The following PKHD1 variants were observed in gnomAD, a reference collection of about 807,000 sequenced individuals.
The protein encoded by PKHD1 is PKHD1 ciliary IPT domain containing fibrocystin/polyductin.
A neutral mutation model predicts 412.0 loss-of-function variants in PKHD1; 291 were observed. That is an observed-to-expected ratio of 0.71 (90% CI 0.64 to 0.78). The LOEUF is 0.78. PKHD1 is among the 30% of genes least tolerant of loss of function. The pLI is 0.00. For missense variants in PKHD1, 4,825 were observed against 4,950.7 expected (o/e 0.97, Z 0.76); for synonymous variants, 1,777 against 1,821.5 (o/e 0.98, Z 0.62).
At chr6:51,679,011 T>C (rs1776258633) in intron 60 of PKHD1, among the ~76,000 whole-genome samples, 1 of 152,082 alleles carries the variant, frequency 6.6e-6, no homozygotes, top group Admixed American at 6.6e-5. Context: ...CAGTAATTTC[T>C]GCTGGGTGCC....
chr6:52,077,251 C>T (rs1035779244), intron 5 of PKHD1, among the ~76,000 whole-genome samples: 3 of 152,152 alleles, frequency 2.0e-5, no homozygotes, highest in Non-Finnish European at 4.4e-5. Context: ...CACCTGTAGG[C>T]ATCTGTGTTA....
chr6:51,807,485 A>ATGTGTGTGTGTGTGTGTGTGTG (rs567506746), intron 52 of PKHD1, among the ~76,000 whole-genome samples: 5 of 111,766 alleles, frequency 4.5e-5, no homozygotes, highest in Admixed American at 3.8e-4. Context: ...ATATATGTAT[A>ATGTGTGTGTGTGTGTGTGTGTG]TGTGTGTGTG....
At chr6:51,761,965 T>C (rs1461711363) in intron 55 of PKHD1, among the ~76,000 whole-genome samples, 1 of 152,054 alleles carries the variant, frequency 6.6e-6, no homozygotes, top group Non-Finnish European at 1.5e-5. Context: ...TCTTTGACTC[T>C]TCTCTTTCTC....
At chr6:52,054,864 G>A (rs2128206247) in intron 19 of PKHD1, among the ~76,000 whole-genome samples, 1 of 152,226 alleles carries the variant, frequency 6.6e-6, no homozygotes, top group South Asian at 2.1e-4. Flanking sequence ...CTGAAGAAGG[G>A]AGGAGCTCAA....
At chr6:51,722,154 T>C in intron 60 of PKHD1, 1 of 1,457,098 alleles carries the variant, frequency 6.9e-7, no homozygotes, top group Non-Finnish European at 9.4e-7. Context: ...ATATCCGAGC[T>C]CTTTACTCAT....
chr6:51,954,676 A>G (rs1790850363), intron 36 of PKHD1, among the ~76,000 whole-genome samples: 1 of 152,084 alleles, frequency 6.6e-6, no homozygotes, highest in South Asian at 2.1e-4. Flanking sequence ...TGTATTATAT[A>G]TAATGCAGTA....
chr6:51,676,252 G>A (rs199628880), intron 60 of PKHD1, among the ~76,000 whole-genome samples: 201 of 141,700 alleles, frequency 1.4e-3, no homozygotes, highest in Middle Eastern at 7.4e-3. Flanking sequence ...TAAAAGAAAA[G>A]AAAAAAAAAA....
intron 55 of PKHD1, among the ~76,000 whole-genome samples, chr6:51,765,392 C>T (rs1201191091): frequency 6.6e-6 from 1 of 152,128 alleles, no homozygotes; most frequent in Non-Finnish European, 1.5e-5. Context: ...AGTGATTTCC[C>T]CTTTGACCTC....
chr6:51,998,829 A>G (rs1467088560), intron 35 of PKHD1, among the ~76,000 whole-genome samples: 1 of 152,026 alleles, frequency 6.6e-6, no homozygotes, highest in Non-Finnish European at 1.5e-5. Flanking sequence ...TTTATGGACA[A>G]TATCTTCTCA....
chr6:51,822,482 C>T (rs1438335485), intron 52 of PKHD1, among the ~76,000 whole-genome samples: 2 of 152,126 alleles, frequency 1.3e-5, no homozygotes, highest in African/African-American at 2.4e-5. Context: ...CTTCCTGAAA[C>T]TTAAATTAGC....
chr6:52,050,113 G>A, intron 22 of PKHD1, 44 bp downstream of exon 22: 2 of 1,602,612 alleles, frequency 1.2e-6, no homozygotes, highest in Non-Finnish European at 1.7e-6. Context: ...AGGCCAACAA[G>A]CATTCTTAGG....
At position 52,082,389 on chromosome 6, in the gene PKHD1, T is replaced by C. The variant is rs79803080; in HGVS notation, c.281+3A>G. The stretch of plus-strand genomic sequence containing the variant: ...TGGTCTTCCTATTCCCAGACAGGTA[T>C]ACCTGGTCCGGCATGTCACCACAGG... On this transcript the variant is annotated splice_donor_region_variant and intron_variant, in intron 4 of 66. Coordinates refer to ENST00000371117, the MANE Select transcript of PKHD1 (RefSeq NM_138694.4). 1.9e-4 allele frequency: 309 copies of C among 1,614,056 alleles called. 1 individual carries two copies. The African/African-American group carries it at 3.7e-3, about 19-fold the overall frequency.
intron 60 of PKHD1, among the ~76,000 whole-genome samples, chr6:51,688,842 T>C (rs1017332871): frequency 6.6e-6 from 1 of 152,110 alleles, no homozygotes; most frequent in African/African-American, 2.4e-5. Flanking sequence ...TACCTTGAAA[T>C]TGGGTCAGTA....
At chr6:51,922,544 G>C (rs1273589516) in intron 37 of PKHD1, among the ~76,000 whole-genome samples, 1 of 152,242 alleles carries the variant, frequency 6.6e-6, no homozygotes, top group Non-Finnish European at 1.5e-5. Context: ...CCTGCCCCGA[G>C]AGGTAGAGTC....
At position 51,956,404 on chromosome 6, in the gene PKHD1, TAA is replaced by T. The variant is rs545287762; in HGVS notation, c.5908+3464_5908+3465del. Among the ~76,000 whole-genome samples, 544 of 152,020 alleles carry T rather than the reference TAA, an allele frequency of 3.6e-3. 1 individual carries two copies. The highest frequency in any genetic ancestry group is 0.013 in the African/African-American group (520 of 41,498). On this transcript the variant is annotated intron_variant, in intron 36 of 66. Transcript: ENST00000371117. ...AGTGGTATTTAAGAGAGCAAGGGTT[TAA>T]AATATACACTTCTTAAATTTCACCC...
At chr6:51,791,154 T>C (rs1582709751) in intron 53 of PKHD1, 82 bp downstream of exon 53, 2 of 1,402,280 alleles carry the variant, frequency 1.4e-6, no homozygotes, top group East Asian at 4.6e-5. Context: ...GCAACCTGCT[T>C]GATGATACCA....
At chr6:51,747,754 A>G (rs1192554503) in intron 58 of PKHD1, 33 bp downstream of exon 58, 1 of 1,586,458 alleles carries the variant, frequency 6.3e-7, no homozygotes, top group Admixed American at 1.7e-5. Context: ...GATGTATGAA[A>G]TGGCACTGCC....
chr6:51,899,015 C>T (rs937511880), intron 43 of PKHD1, among the ~76,000 whole-genome samples: 2 of 152,138 alleles, frequency 1.3e-5, no homozygotes, highest in African/African-American at 4.8e-5. Flanking sequence ...GAAATTGTGG[C>T]AATAATCAAT....
At chr6:51,644,743 G>A (rs555156316) in intron 63 of PKHD1, among the ~76,000 whole-genome samples, 22 of 152,254 alleles carry the variant, frequency 1.4e-4, no homozygotes, top group African/African-American at 5.3e-4. Context: ...TGCAGTGGGC[G>A]ATCTTGGCTC....
Sources: gnomAD v4.1 joint callset for allele counts (sites outside exome capture counted in the v4.1 genomes callset) on GRCh38, gnomAD v4.1.1 for gene constraint, MANE v1.5 for transcripts, NCBI Gene and HGNC (gene_info 2026-07-23, HGNC 2026-07-21) for gene names.